Variants in DSCAM observed in about 807,000 individuals in gnomAD.
DSCAM encodes cell adhesion molecule DSCAM.
Under a neutral mutation model 217.7 loss-of-function variants are expected in DSCAM, and 47 were observed. That is an observed-to-expected ratio of 0.22 (90% confidence interval 0.17 to 0.28). The LOEUF (loss-of-function observed/expected upper bound fraction) is 0.28. Ranked by LOEUF, DSCAM falls within the 10% of genes least tolerant of loss-of-function variation. The probability of loss-of-function intolerance (pLI) is 1.00; values close to 1 mark genes in which losing one functional copy is unlikely to be tolerated. For missense variants in DSCAM, 2,080 were observed against 2,618.3 expected, an observed-to-expected ratio of 0.79 and a Z score of 4.49; for synonymous variants, 1,056 against 1,015.3, an observed-to-expected ratio of 1.04 and a Z score of -0.76.
In DSCAM at chr21:40,192,706, C is replaced by T. The variant is rs116713285; in HGVS notation, c.2357-3468G>A. On this transcript the variant is annotated intron_variant, in intron 11 of 32. Coordinates refer to ENST00000400454, the MANE Select transcript of DSCAM (RefSeq NM_001389.5). ...TATCTAGCTTTCTGGATTTTTTTCA[C>T]TAAGCATAATGTTGTCAAGGTTCAT... is the stretch of plus-strand genomic sequence containing the variant. 3.2e-3 allele frequency among the ~76,000 whole-genome samples: 489 copies of T among 152,166 alleles called. 2 individuals are homozygous for T. The highest frequency in any genetic ancestry group is 0.011 in the African/African-American group (446 of 41,524).
chr21:40,519,024 A>C (rs1036194400), intron 3 of DSCAM, among the ~76,000 whole-genome samples: 1 of 152,164 alleles, frequency 6.6e-6, no homozygotes, highest in Admixed American at 6.5e-5. Flanking sequence ...CAAGCATAAA[A>C]GTGGTACAAT....
chr21:40,214,221 G>A (rs2091216722), intron 11 of DSCAM, among the ~76,000 whole-genome samples: 1 of 152,152 alleles, frequency 6.6e-6, no homozygotes, highest in South Asian at 2.1e-4. Flanking sequence ...CAGCCAGCCT[G>A]GCCACTTTGG....
At chr21:40,119,948 A>C (rs1316507830) in intron 20 of DSCAM, among the ~76,000 whole-genome samples, 2 of 152,050 alleles carry the variant, frequency 1.3e-5, no homozygotes, top group African/African-American at 2.4e-5. Context: ...GGTTCTCGGA[A>C]GTCCCCTTTC....
At chr21:40,442,122 T>G (rs2837625) in intron 3 of DSCAM, among the ~76,000 whole-genome samples, 105,290 of 152,048 alleles carry the variant, frequency 0.69, 36,858 homozygotes, top group Middle Eastern at 0.81. Context: ...AGAATGAGTT[T>G]CCCTAAAAAT....
chr21:40,842,568 A>C (rs1173250704), intron 1 of DSCAM, among the ~76,000 whole-genome samples: 1 of 151,892 alleles, frequency 6.6e-6, no homozygotes, highest in Non-Finnish European at 1.5e-5. Context: ...GTCTTTCTTT[A>C]TAAAATGACC....
At chr21:40,701,482 C>T (rs961028474) in intron 2 of DSCAM, among the ~76,000 whole-genome samples, 1 of 151,964 alleles carries the variant, frequency 6.6e-6, no homozygotes, top group Non-Finnish European at 1.5e-5. Flanking sequence ...TTAGTTTTAT[C>T]CTCTTTTTCA....
intron 11 of DSCAM, among the ~76,000 whole-genome samples, chr21:40,234,543 A>T (rs2091409135): frequency 6.6e-6 from 1 of 152,182 alleles, no homozygotes; most frequent in Non-Finnish European, 1.5e-5. Flanking sequence ...GGAAATAAGG[A>T]ATATGAAAAT....
rs565038157 is a variant in DSCAM at position 40,676,403 on chromosome 21, G to C, written c.508+16407C>G. Among the ~76,000 whole-genome samples, 6 of 152,288 alleles carry C rather than the reference G, an allele frequency of 3.9e-5. 1 individual carries two copies. The South Asian group carries it at 1.2e-3, about 32-fold the overall frequency. ...CTGAAATGGACTTCAGGCTTTCATG[G>C]AAAAGGTTTACTGGAGAACCCTGGG... On this transcript the variant is annotated intron_variant, in intron 3 of 32. Transcript: ENST00000400454.
At chr21:40,032,146 C>T (rs2088537851) in intron 32 of DSCAM, among the ~76,000 whole-genome samples, 1 of 152,190 alleles carries the variant, frequency 6.6e-6, no homozygotes, top group Admixed American at 6.5e-5. Context: ...GCCAAGCCCC[C>T]AGCTAGGGTT....
chr21:40,440,214 A>G (rs1378378807), intron 3 of DSCAM, among the ~76,000 whole-genome samples: 2 of 152,344 alleles, frequency 1.3e-5, no homozygotes, highest in Admixed American at 1.3e-4. Context: ...GCAGTTCTCC[A>G]GAGAGACACA....
intron 32 of DSCAM, among the ~76,000 whole-genome samples, chr21:40,038,741 A>C (rs1321104658): frequency 1.4e-5 from 2 of 144,638 alleles, no homozygotes; most frequent in African/African-American, 5.2e-5. Context: ...GGCATTATTC[A>C]CAATAGCAAA....
rs2077006972 is a variant in DSCAM at position 40,594,525 on chromosome 21, T to A, written c.508+98285A>T. On this transcript the variant is annotated intron_variant, in intron 3 of 32. Coordinates refer to ENST00000400454, the MANE Select transcript of DSCAM (RefSeq NM_001389.5). ...ACTGTCTCAAGACTGCTGTGAGTAT[T>A]CAATAAAATAACAGCTGTCAGGCCA... 2.0e-5 allele frequency among the ~76,000 whole-genome samples: 3 copies of A among 152,162 alleles called. No individual in the cohort carries two copies. In the South Asian group the frequency reaches 6.2e-4, roughly 32 times the overall value.
intron 11 of DSCAM, among the ~76,000 whole-genome samples, chr21:40,266,301 T>C (rs2073526208): frequency 6.6e-6 from 1 of 152,060 alleles, no homozygotes; most frequent in Non-Finnish European, 1.5e-5. Flanking sequence ...CACAATGAGA[T>C]ACGACCTTCC....
intron 11 of DSCAM, among the ~76,000 whole-genome samples, chr21:40,248,519 C>A (rs1358160777): frequency 8.5e-5 from 13 of 152,166 alleles, no homozygotes; most frequent in Admixed American, 7.2e-4. Context: ...ATAAGTGTCA[C>A]CTTTGCTCCA....
intron 3 of DSCAM, among the ~76,000 whole-genome samples, chr21:40,429,835 T>C (rs4816682): frequency 0.19 from 29,328 of 152,170 alleles, 2,918 homozygotes; most frequent in Admixed American, 0.23. Flanking sequence ...CTGGATTTTT[T>C]CTATGCTGGG....
intron 3 of DSCAM, among the ~76,000 whole-genome samples, chr21:40,481,268 T>C (rs1198177279): frequency 6.6e-6 from 1 of 151,980 alleles, no homozygotes; most frequent in Non-Finnish European, 1.5e-5. Context: ...AGCAGACAGA[T>C]CACAAGGTCA....
chr21:40,302,727 A>G (rs1175028533), intron 9 of DSCAM, among the ~76,000 whole-genome samples: 1 of 152,158 alleles, frequency 6.6e-6, no homozygotes, highest in African/African-American at 2.4e-5. Flanking sequence ...TTGTCATGGG[A>G]TCCACATAGG....
chr21:40,448,341 A>G (rs1236007288), intron 3 of DSCAM, among the ~76,000 whole-genome samples: 1 of 152,136 alleles, frequency 6.6e-6, no homozygotes, highest in Non-Finnish European at 1.5e-5. Flanking sequence ...CTTGAGCTAG[A>G]ACATCTGTCT....
chr21:40,274,080 T>G (rs2073655326), intron 11 of DSCAM, among the ~76,000 whole-genome samples: 1 of 152,212 alleles, frequency 6.6e-6, no homozygotes, highest in Admixed American at 6.5e-5. Context: ...AGTTGTGTAT[T>G]CTGCCAGACA....
Sources: allele counts gnomAD v4.1 joint callset (sites outside exome capture counted in the v4.1 genomes callset), GRCh38; gene constraint gnomAD v4.1.1; transcripts MANE v1.5; gene names NCBI Gene and HGNC (gene_info 2026-07-23, HGNC 2026-07-21).